Variants in HIVEP3 observed in about 807,000 individuals in gnomAD.
HIVEP3 encodes the protein transcription factor HIVEP3.
Under a neutral mutation model 152.8 loss-of-function variants are expected in HIVEP3, and 49 were observed. That is an observed-to-expected ratio of 0.32 (90% CI 0.26 to 0.41). The LOEUF (loss-of-function observed/expected upper bound fraction) is 0.41. Ranked by LOEUF, HIVEP3 falls within the 10% of genes least tolerant of loss-of-function variation. The pLI is 1.00. For missense variants in HIVEP3, 2,790 were observed against 3,103.3 expected (o/e 0.90, Z 2.40); for synonymous variants, 1,269 against 1,289.0 (o/e 0.98, Z 0.33).
At chr1:41,748,148 A>C (rs1647101181) in intron 1 of HIVEP3, among the ~76,000 whole-genome samples, 1 of 152,198 alleles carries the variant, frequency 6.6e-6, no homozygotes, top group Non-Finnish European at 1.5e-5. Flanking sequence ...TCACAAATGC[A>C]AGGTGGGAAG....
intron 1 of HIVEP3, among the ~76,000 whole-genome samples, chr1:42,032,164 A>G (rs970901571): frequency 6.6e-6 from 1 of 152,204 alleles, no homozygotes; most frequent in African/African-American, 2.4e-5. Context: ...GCCCAACTCC[A>G]AACAGTCACA....
chr1:41,558,762 A>T (rs1049346217), intron 5 of HIVEP3, among the ~76,000 whole-genome samples: 1 of 151,838 alleles, frequency 6.6e-6, no homozygotes, highest in African/African-American at 2.4e-5. Context: ...GTCTCTAAAA[A>T]CTTTGTCCAG....
chr1:41,809,687 A>C (rs376387791), intron 1 of HIVEP3, among the ~76,000 whole-genome samples: 3 of 152,254 alleles, frequency 2.0e-5, no homozygotes, highest in East Asian at 3.8e-4. Flanking sequence ...CCCCTTAATC[A>C]GAATTGTCCC....
chr1:41,678,329 C>T (rs1046834090), intron 2 of HIVEP3, among the ~76,000 whole-genome samples: 1 of 152,184 alleles, frequency 6.6e-6, no homozygotes, highest in Non-Finnish European at 1.5e-5. Context: ...GCCACCAGAC[C>T]CACAGGGCCT....
rs1301709024 is a variant in HIVEP3 at position 41,509,831 on chromosome 1, A to G, written c.*620T>C. On this transcript the variant is annotated 3_prime_UTR_variant, in exon 9 of 9. Transcript: ENST00000372583. Reference sequence around the variant, plus strand: ...TCATTTTATTTTCTTGCAAAAAAAAAAAAAAAAAAAAAAAAGGAAAAGATT... The same window carrying G: ...TCATTTTATTTTCTTGCAAAAAAAAGAAAAAAAAAAAAAAAGGAAAAGATT... 6.6e-6 allele frequency: 1 copy of G among 150,804 alleles called. No homozygotes were observed. The highest frequency in any genetic ancestry group is 2.4e-5 in the African/African-American group (1 of 41,148). The allele number at this position is 150,804 out of a possible 1,614,324, so 9.3% of individuals were successfully genotyped here.
Position 41,518,817 on chromosome 1 carries a change from GT to G in HIVEP3, c.5384-330del, listed in dbSNP as rs35277923. On this transcript the variant is annotated intron_variant, in intron 6 of 8. Coordinates refer to ENST00000372583, the MANE Select transcript of HIVEP3 (RefSeq NM_024503.5). ...TTAAAAGACAACTCAAGTGCAATAGGTTTTTTTTTTTTTTTTTGCTTCTGAT... is the reference window on the plus strand; with the variant it reads ...TTAAAAGACAACTCAAGTGCAATAGGTTTTTTTTTTTTTTTTGCTTCTGAT... Among the ~76,000 whole-genome samples, 385 of 134,656 alleles carry G rather than the reference GT, an allele frequency of 2.9e-3. 2 individuals carry two copies. Among genetic ancestry groups the G allele is most frequent in the East Asian group, 0.013 (60 of 4,718 alleles). The allele number at this position is 134,656 out of a possible 152,430, so 88.3% of individuals were successfully genotyped here.
intron 1 of HIVEP3, among the ~76,000 whole-genome samples, chr1:41,994,265 C>CA (rs542518404): frequency 0.049 from 3,470 of 70,932 alleles, 107 homozygotes; most frequent in African/African-American, 0.13. Context: ...ATAGACTTAG[C>CA]AAAAAAAAAA....
intron 1 of HIVEP3, among the ~76,000 whole-genome samples, chr1:41,797,793 C>G (rs1305316239): frequency 6.6e-6 from 1 of 152,082 alleles, no homozygotes; most frequent in Non-Finnish European, 1.5e-5. Context: ...TCAAGACCAT[C>G]CTGGCCAACA....
chr1:41,530,841 G>GGA (rs201817829), intron 5 of HIVEP3, among the ~76,000 whole-genome samples: 1 of 152,158 alleles, frequency 6.6e-6, no homozygotes, highest in East Asian at 1.9e-4. Context: ...CTTTCCAAAT[G>GGA]GAGAGAGAGA....
At chr1:41,849,033 C>G (rs929892853) in intron 1 of HIVEP3, 1 of 152,282 alleles carries the variant, frequency 6.6e-6, no homozygotes, top group African/African-American at 2.4e-5. Flanking sequence ...GTTTGTCCCT[C>G]GACTGGACAA....
intron 1 of HIVEP3, among the ~76,000 whole-genome samples, chr1:41,914,109 T>C (rs1166364550): frequency 1.3e-5 from 2 of 152,164 alleles, no homozygotes; most frequent in Non-Finnish European, 2.9e-5. Context: ...CACTTAGTAA[T>C]GAGGAGGGGA....
intron 1 of HIVEP3, among the ~76,000 whole-genome samples, chr1:41,719,359 G>C (rs946010846): frequency 6.6e-6 from 1 of 152,228 alleles, no homozygotes; most frequent in Admixed American, 6.5e-5. Flanking sequence ...GGTGGAGCAA[G>C]AACTTGTTTT....
intron 1 of HIVEP3, among the ~76,000 whole-genome samples, chr1:41,951,486 G>A (rs1049519528): frequency 6.6e-6 from 1 of 152,188 alleles, no homozygotes; most frequent in African/African-American, 2.4e-5. Flanking sequence ...TGTCTGGGTG[G>A]AGATGAGAGA....
At chr1:41,623,492 A>G (rs1645073972) in intron 3 of HIVEP3, among the ~76,000 whole-genome samples, 1 of 152,228 alleles carries the variant, frequency 6.6e-6, no homozygotes, top group Non-Finnish European at 1.5e-5. Flanking sequence ...TCCCTTTTCT[A>G]TGGGGTGAGC....
At chr1:41,758,660 A>T in intron 1 of HIVEP3, among the ~76,000 whole-genome samples, 1 of 152,234 alleles carries the variant, frequency 6.6e-6, no homozygotes, top group East Asian at 1.9e-4. Flanking sequence ...GGTGATTGTG[A>T]TACATTGTGG....
In HIVEP3 at chr1:41,748,676, T is replaced by C. The variant is rs1372949998; in HGVS notation, c.-800-47681A>G. Among the ~76,000 whole-genome samples, 5 of 152,222 alleles carry C rather than the reference T, an allele frequency of 3.3e-5. No homozygotes were observed. In the East Asian group the frequency reaches 7.7e-4, roughly 23 times the overall value. On this transcript the variant is annotated intron_variant, in intron 1 of 8. Coordinates refer to ENST00000372583, the MANE Select transcript of HIVEP3 (RefSeq NM_024503.5). ...TACTATCACAGTCACCATTGCATGA[T>C]GGAGGCAGGAGGCTCAGAGAGGTCA...
At chr1:41,897,380 G>A (rs554413151) in intron 1 of HIVEP3, among the ~76,000 whole-genome samples, 9 of 152,228 alleles carry the variant, frequency 5.9e-5, no homozygotes, top group East Asian at 3.9e-4. Flanking sequence ...ATGAAGAGGT[G>A]GAGCCTATAG....
At chr1:41,602,999 A>G (rs1328675611) in intron 3 of HIVEP3, among the ~76,000 whole-genome samples, 1 of 151,952 alleles carries the variant, frequency 6.6e-6, no homozygotes, top group East Asian at 1.9e-4. Flanking sequence ...GTGTCATTTA[A>G]TTTCCACATA....
chr1:42,019,482 G>A (rs1281404909), intron 1 of HIVEP3, among the ~76,000 whole-genome samples: 1 of 151,492 alleles, frequency 6.6e-6, no homozygotes, highest in East Asian at 1.9e-4. Flanking sequence ...TATGAATTCG[G>A]TGTTTTCTGA....
Sources: gnomAD v4.1 joint callset for allele counts (sites outside exome capture counted in the v4.1 genomes callset) on GRCh38, gnomAD v4.1.1 for gene constraint, MANE v1.5 for transcripts, NCBI Gene and HGNC (gene_info 2026-07-23, HGNC 2026-07-21) for gene names.